RBM20: variants seen among roughly 807,000 people sequenced by gnomAD.
RBM20 encodes the protein RNA binding motif protein 20, also known as RNA-binding protein 20.
Under a neutral mutation model 110.1 loss-of-function variants are expected in RBM20, and 51 were observed. The observed-to-expected ratio is 0.46, with a 90% CI of 0.37 to 0.59. RBM20 has a LOEUF of 0.59. Ranked by LOEUF, RBM20 falls within the 20% of genes least tolerant of loss-of-function variation. The probability of loss-of-function intolerance (pLI) is 0.00; values close to 1 mark genes in which losing one functional copy is unlikely to be tolerated. For synonymous variants in RBM20, 589 were observed against 618.2 expected (o/e 0.95, Z 0.70); for missense variants, 1,512 against 1,574.9 (o/e 0.96, Z 0.68).
intron 13 of RBM20, among the ~76,000 whole-genome samples, chr10:110,833,803 T>C (rs1845089228): frequency 6.6e-6 from 1 of 152,180 alleles, no homozygotes; most frequent in East Asian, 1.9e-4. Context: ...CCAACTGCAG[T>C]GTAGCTTTAC....
intron 5 of RBM20, 80 bp from the exon 6 acceptor site, chr10:110,797,428 A>G: frequency 7.5e-7 from 1 of 1,331,452 alleles, no homozygotes; most frequent in Non-Finnish European, 1.0e-6. Context: ...TAGGGGAAAG[A>G]TAGCCATTAA....
At chr10:110,834,051 T>C (rs1340697224) in intron 13 of RBM20, among the ~76,000 whole-genome samples, 6 of 152,234 alleles carry the variant, frequency 3.9e-5, no homozygotes, top group African/African-American at 1.4e-4. Flanking sequence ...CCGCTCTCTC[T>C]GAGCAGCCTG....
Position 110,823,606 on chromosome 10 carries a change from T to C in RBM20, c.3443T>C (p.Ile1148Thr). 6.4e-7 allele frequency: 1 copy of C among 1,551,594 alleles called. No homozygotes were observed. The change falls in exon 12 of 14, where the codon ATT (isoleucine) becomes ACT (threonine). Residue 1148 changes from isoleucine (I) to threonine (T), a missense_variant. By Grantham distance (89) the Ile-to-Thr change is moderately conservative. This residue lies in a region of RBM20 where 358 missense variants were observed against 384.2 expected (regional missense o/e 0.93). Transcript: ENST00000369519. Reference sequence around the variant, plus strand: ...GAGGATGTGTTCAGTGAACTTAGCATTCCTCTAGGTAAGCAAAACACACAG... The same window carrying C: ...GAGGATGTGTTCAGTGAACTTAGCACTCCTCTAGGTAAGCAAAACACACAG... Reference protein sequence around the residue: ...EPEDVFSELSIPLGVEFVVPR... With the variant: ...EPEDVFSELSTPLGVEFVVPR...
chr10:110,659,791 C>T (rs1431831133), intron 1 of RBM20, among the ~76,000 whole-genome samples: 1 of 146,706 alleles, frequency 6.8e-6, no homozygotes, highest in East Asian at 2.0e-4. Flanking sequence ...CCTCCTCTTC[C>T]TCCCGTTCCC....
rs1060503417 is a variant in RBM20, at chr10:110,780,908, T to G, written c.299T>G (p.Leu100Arg). ...GCTCAACTGCAGGCCCAGCTCACCC[T>G]CCACCGGCTGAAGCTGGCACAGACA... is the stretch of plus-strand genomic sequence containing the variant. ...QLAQLQAQLT[L>R]HRLKLAQTAV... Residue 100 changes from leucine (L) to arginine (R), a missense_variant, in exon 2 of 14, where the codon CTC (leucine) becomes CGC (arginine). Coordinates refer to ENST00000369519, the MANE Select transcript of RBM20 (RefSeq NM_001134363.3). The G allele has an allele frequency of 1.0e-5, 16 of 1,551,530 alleles. No individual in the cohort carries two copies. Among genetic ancestry groups the G allele is most frequent in the Non-Finnish European group, 1.4e-5 (16 of 1,146,930 alleles).
chr10:110,717,948 C>T (rs867960049), intron 1 of RBM20, among the ~76,000 whole-genome samples: 1 of 152,234 alleles, frequency 6.6e-6, no homozygotes, highest in South Asian at 2.1e-4. Flanking sequence ...GAGAAACAAT[C>T]CCTTTTGCAC....
chr10:110,657,159 G>C (rs1862037922), intron 1 of RBM20, among the ~76,000 whole-genome samples: 1 of 152,004 alleles, frequency 6.6e-6, no homozygotes, highest in Non-Finnish European at 1.5e-5. Context: ...TGGGACTACA[G>C]GCCCATGCCA....
intron 7 of RBM20, among the ~76,000 whole-genome samples, chr10:110,801,039 G>A (rs1365186463): frequency 6.6e-6 from 1 of 152,170 alleles, no homozygotes; most frequent in African/African-American, 2.4e-5. Flanking sequence ...GATTGAGATA[G>A]CTGCATCATA....
Position 110,797,739 on chromosome 10 carries a change from A to C in RBM20, c.1668+91A>C, listed in dbSNP as rs1053694765. 5.2e-5 allele frequency: 72 copies of C among 1,371,554 alleles called. No individual in the cohort carries two copies. In the East Asian group the frequency reaches 1.8e-3, roughly 35 times the overall value. 85.0% of individuals were successfully genotyped at this position (1,371,554 alleles called of 1,614,324 possible). A position where few individuals can be genotyped will look rare whatever the true frequency, so the allele number is the denominator to read the frequency against. On this transcript the variant is annotated intron_variant, in intron 6 of 13. Coordinates refer to ENST00000369519, the MANE Select transcript of RBM20 (RefSeq NM_001134363.3). ...ATAATTTTTGAAAGAAGCCATTCTT[A>C]ACATAAAGAGGCGATGCCGTAGCTG...
chr10:110,709,746 A>C (rs1314514938), intron 1 of RBM20, among the ~76,000 whole-genome samples: 1 of 150,948 alleles, frequency 6.6e-6, no homozygotes, highest in Non-Finnish European at 1.5e-5. Context: ...TGTTTTTTTA[A>C]TTTTGTAGAG....
rs1219484408 is a variant in RBM20, at chr10:110,812,796, A to T, written c.2399A>T (p.Asp800Val). 3 of 1,551,140 alleles carry T rather than the reference A, an allele frequency of 1.9e-6. No homozygotes were observed. The African/African-American group carries it at 4.1e-5, about 21-fold the overall frequency. Residue 800 changes from aspartate (D) to valine (V), a missense_variant, in exon 9 of 14, where the codon GAC becomes GTC. Physicochemically the swap from Asp to Val is radical, Grantham distance 152 (BLOSUM62 -3). Transcript: ENST00000369519. ...GAAAGCAGACACCCCCATCCGGATGACTCAGGCAAGGAAGATGGGCTGGGG... is the reference window on the plus strand; with the variant it reads ...GAAAGCAGACACCCCCATCCGGATGTCTCAGGCAAGGAAGATGGGCTGGGG... ...LRESRHPHPD[D>V]SGKEDGLGPK...
intron 5 of RBM20, among the ~76,000 whole-genome samples, chr10:110,787,419 CT>C (rs1478212582): frequency 1.3e-5 from 2 of 152,208 alleles, no homozygotes; most frequent in Non-Finnish European, 2.9e-5. Context: ...GTAACGAGCG[CT>C]TTTAACCCAT....
intron 1 of RBM20, among the ~76,000 whole-genome samples, chr10:110,750,109 C>T (rs186848633): frequency 2.0e-3 from 301 of 152,294 alleles, no homozygotes; most frequent in African/African-American, 7.0e-3. Flanking sequence ...GGACAGGGGA[C>T]ATCAGCTTTA....
At chr10:110,695,726 G>A (rs1311297312) in intron 1 of RBM20, among the ~76,000 whole-genome samples, 1 of 152,180 alleles carries the variant, frequency 6.6e-6, no homozygotes. Flanking sequence ...TTTGAGCATT[G>A]GGAAGTGGCT....
intron 1 of RBM20, among the ~76,000 whole-genome samples, chr10:110,668,823 T>C (rs1217942857): frequency 1.3e-5 from 2 of 152,030 alleles, no homozygotes; most frequent in African/African-American, 2.4e-5. Flanking sequence ...AGGCAGAGAC[T>C]GACGAAGTTC....
At chr10:110,707,065 G>A (rs1862851721) in intron 1 of RBM20, among the ~76,000 whole-genome samples, 2 of 152,284 alleles carry the variant, frequency 1.3e-5, no homozygotes, top group South Asian at 2.1e-4. Context: ...ATTTTAAAGG[G>A]GCTAAAGAGA....
intron 5 of RBM20, among the ~76,000 whole-genome samples, chr10:110,785,136 G>A (rs1281298628): frequency 6.6e-6 from 1 of 152,124 alleles, no homozygotes; most frequent in Admixed American, 6.6e-5. Context: ...ACCTCTCTGT[G>A]TGCCAGTCAC....
intron 1 of RBM20, among the ~76,000 whole-genome samples, chr10:110,719,877 C>G (rs1218355986): frequency 2.0e-5 from 3 of 152,064 alleles, no homozygotes; most frequent in African/African-American, 7.2e-5. Flanking sequence ...TCTGTTTGGG[C>G]TGTCTTATTG....
chr10:110,834,336 G>A (rs142554861), intron 13 of RBM20, among the ~76,000 whole-genome samples: 256 of 152,238 alleles, frequency 1.7e-3, no homozygotes, highest in African/African-American at 5.5e-3. Flanking sequence ...GGCTGCACCC[G>A]TTTCTGGAAG....
Sources: gnomAD v4.1 joint callset for allele counts (sites outside exome capture counted in the v4.1 genomes callset) on GRCh38, gnomAD v4.1.1 for gene constraint, gnomAD v4.1.1 regional missense constraint, MANE v1.5 for transcripts, NCBI Gene and HGNC (gene_info 2026-07-23, HGNC 2026-07-21) for gene names.